MRPL48: variants seen among roughly 807,000 people sequenced by gnomAD.
MRPL48 encodes the protein mitochondrial ribosomal protein L48, also known as large ribosomal subunit protein mL48.
Under a neutral mutation model 32.9 loss-of-function variants are expected in MRPL48, and 16 were observed. The observed-to-expected ratio is 0.49, with a 90% confidence interval of 0.33 to 0.74. The LOEUF is 0.74. MRPL48 is among the 30% of genes least tolerant of loss of function. The probability of loss-of-function intolerance (pLI) is 0.02; values close to 1 mark genes in which losing one functional copy is unlikely to be tolerated. For synonymous variants in MRPL48, 94 were observed against 89.2 expected (o/e 1.05, Z -0.31); for missense variants, 206 against 245.3 (o/e 0.84, Z 1.07).
chr11:73,848,830 T>TA, intron 5 of MRPL48, among the ~76,000 whole-genome samples: 1 of 152,018 alleles, frequency 6.6e-6, no homozygotes, highest in South Asian at 2.1e-4. Flanking sequence ...TTTTTTTTTT[T>TA]AATTTTGGAG....
At chr11:73,847,920 T>C (rs1399742715) in intron 5 of MRPL48, among the ~76,000 whole-genome samples, 1 of 152,180 alleles carries the variant, frequency 6.6e-6, no homozygotes, top group Middle Eastern at 3.2e-3. Flanking sequence ...AATATTTTCT[T>C]CCTGTCTATG....
intron 4 of MRPL48, among the ~76,000 whole-genome samples, chr11:73,834,455 A>G (rs1181034378): frequency 6.6e-6 from 1 of 151,802 alleles, no homozygotes; most frequent in Non-Finnish European, 1.5e-5. Context: ...CGGAAAGGGG[A>G]AGCAGTGGTC....
At chr11:73,793,934 G>T (rs1429585335) in intron 1 of MRPL48, among the ~76,000 whole-genome samples, 1 of 148,570 alleles carries the variant, frequency 6.7e-6, no homozygotes, top group African/African-American at 2.5e-5. Flanking sequence ...TCGAACTCCT[G>T]GGCTCAAGCT....
At chr11:73,790,605 C>T (rs930922975) in intron 1 of MRPL48, among the ~76,000 whole-genome samples, 29 of 151,828 alleles carry the variant, frequency 1.9e-4, no homozygotes, top group Non-Finnish European at 2.8e-4. Context: ...AGGATGGTCT[C>T]GATCTCCTGA....
chr11:73,844,387 C>T (rs1010527861), intron 4 of MRPL48, among the ~76,000 whole-genome samples: 47 of 151,960 alleles, frequency 3.1e-4, no homozygotes, highest in South Asian at 2.1e-4. Context: ...GCCGAGATTG[C>T]GCCACTGCCA....
In MRPL48 at chr11:73,834,081, T is replaced by G. The variant is rs534133248; in HGVS notation, c.201+8285T>G. 1.4e-3 allele frequency among the ~76,000 whole-genome samples: 216 copies of G among 152,278 alleles called. 2 individuals carry two copies. Among genetic ancestry groups the G allele is most frequent in the African/African-American group, 5.1e-3 (212 of 41,552 alleles). On this transcript the variant is annotated intron_variant, in intron 4 of 7. Coordinates refer to ENST00000310614, the MANE Select transcript of MRPL48 (RefSeq NM_016055.6). Reference sequence around the variant, plus strand: ...TCAGGCTGGTCTCGAACTCCTGGACTCAAGTGATATGCCTGCCTTGGGCTC... The same window carrying G: ...TCAGGCTGGTCTCGAACTCCTGGACGCAAGTGATATGCCTGCCTTGGGCTC...
intron 3 of MRPL48, among the ~76,000 whole-genome samples, chr11:73,812,540 A>C (rs766032239): frequency 9.2e-5 from 14 of 151,712 alleles, no homozygotes; most frequent in Non-Finnish European, 1.5e-4. Context: ...GGGTTTTATA[A>C]AACATTTACT....
rs138180340 is a variant in MRPL48, at chr11:73,841,137, G to C, written c.202-3670G>C. The stretch of plus-strand genomic sequence containing the variant: ...ACCCACAAGAAAACCTGACTATACT[G>C]TTTTCTAAGTGTTAGGAAGAATGTA... On this transcript the variant is annotated intron_variant, in intron 4 of 7. Transcript: ENST00000310614. 1.6e-3 allele frequency among the ~76,000 whole-genome samples: 241 copies of C among 152,290 alleles called. 8 individuals are homozygous for C. In the East Asian group the frequency reaches 0.04, roughly 25 times the overall value.
chr11:73,816,040 A>G (rs1439342004), intron 3 of MRPL48, among the ~76,000 whole-genome samples: 1 of 150,380 alleles, frequency 6.6e-6, no homozygotes, highest in Non-Finnish European at 1.5e-5. Flanking sequence ...ACTACTTTTT[A>G]TTTTTTTATT....
chr11:73,851,319 G>T, intron 5 of MRPL48: 1 of 227,692 alleles, frequency 4.4e-6, no homozygotes, highest in South Asian at 5.7e-5. Context: ...CCAGTAACTT[G>T]CCTGGATTTA....
intron 4 of MRPL48, among the ~76,000 whole-genome samples, chr11:73,826,797 A>G (rs542010044): frequency 2.1e-4 from 22 of 107,258 alleles, no homozygotes; most frequent in African/African-American, 7.5e-4. Flanking sequence ...TTTTTTTGAG[A>G]TGGAGTTTCA....
chr11:73,846,562 G>A (rs577996604), intron 5 of MRPL48, among the ~76,000 whole-genome samples: 13 of 151,940 alleles, frequency 8.6e-5, no homozygotes, highest in South Asian at 2.1e-4. Context: ...CACCAACCAC[G>A]TTGGCCAGGC....
chr11:73,834,184 T>C (rs546408017), intron 4 of MRPL48, among the ~76,000 whole-genome samples: 5 of 152,268 alleles, frequency 3.3e-5, no homozygotes, highest in African/African-American at 1.2e-4. Context: ...CATTTAATAA[T>C]TTGGGGCTCT....
intron 3 of MRPL48, among the ~76,000 whole-genome samples, chr11:73,811,452 T>A (rs941292657): frequency 1.3e-5 from 2 of 151,890 alleles, no homozygotes; most frequent in Non-Finnish European, 1.5e-5. Context: ...GAGGTTTTTT[T>A]AAAAATTGTT....
At chr11:73,834,823 C>T (rs1450592547) in intron 4 of MRPL48, among the ~76,000 whole-genome samples, 1 of 150,454 alleles carries the variant, frequency 6.6e-6, no homozygotes, top group East Asian at 1.9e-4. Context: ...GTGTGAGCCA[C>T]CATGTCTGGC....
intron 5 of MRPL48, among the ~76,000 whole-genome samples, chr11:73,851,697 G>T (rs1437571613): frequency 6.6e-6 from 1 of 152,048 alleles, no homozygotes; most frequent in East Asian, 1.9e-4. Flanking sequence ...CCCACTACAA[G>T]GCCTGCCATA....
chr11:73,816,882 G>A (rs530163393), intron 3 of MRPL48, among the ~76,000 whole-genome samples: 19 of 151,248 alleles, frequency 1.3e-4, no homozygotes, highest in South Asian at 1.0e-3. Flanking sequence ...CTGGAGTGCA[G>A]TGGTGCCATC....
At chr11:73,816,252 GGGGTTTCACCAT>G (rs1947669392) in intron 3 of MRPL48, among the ~76,000 whole-genome samples, 1 of 149,684 alleles carries the variant, frequency 6.7e-6, no homozygotes, top group Admixed American at 6.7e-5. Flanking sequence ...TAGTAGAGAC[GGGGTTTCACCAT>G]GTTAGCCAGG....
intron 5 of MRPL48, among the ~76,000 whole-genome samples, chr11:73,848,237 T>C (rs909708753): frequency 6.6e-6 from 1 of 152,134 alleles, no homozygotes; most frequent in East Asian, 1.9e-4. Flanking sequence ...AAAGATTTTC[T>C]TTCTCCACTG....
Sources: gnomAD v4.1 joint callset for allele counts (sites outside exome capture counted in the v4.1 genomes callset) on GRCh38, gnomAD v4.1.1 for gene constraint, MANE v1.5 for transcripts, NCBI Gene and HGNC (gene_info 2026-07-23, HGNC 2026-07-21) for gene names.